Variants in ADGB observed in about 807,000 individuals in gnomAD.
ADGB encodes androglobin.
Under a neutral mutation model 210.5 loss-of-function variants are expected in ADGB, and 172 were observed. The observed-to-expected ratio is 0.82, with a 90% CI of 0.72 to 0.93. The LOEUF is 0.93. Among genes scored for constraint, ADGB ranks in the 40% least tolerant of loss-of-function variants. ADGB has a pLI of 0.00. For missense variants in ADGB, 2,025 were observed against 1,964.8 expected (o/e 1.03, Z -0.58); for synonymous variants, 658 against 662.7 (o/e 0.99, Z 0.11).
At chr6:146,637,976 CA>C (rs1775449377) in intron 2 of ADGB, among the ~76,000 whole-genome samples, 1 of 151,900 alleles carries the variant, frequency 6.6e-6, no homozygotes. Context: ...AACATCAATG[CA>C]AAAATCCTCA....
chr6:146,733,148 T>C lies in ADGB; in HGVS notation c.2549T>C (p.Met850Thr), dbSNP rs1416559904. The C allele has an allele frequency of 6.5e-7, 1 of 1,532,464 alleles. No individual in the cohort carries two copies. The highest frequency in any genetic ancestry group is 8.8e-7 in the Non-Finnish European group (1 of 1,136,968). The allele number at this position is 1,532,464 out of a possible 1,614,324, so 94.9% of individuals were successfully genotyped here. ...TTTCATCTTTCCTTATGGCGTTTAA[T>C]GAAAAAAGTTCAAATAACAAAACCT... ...RVFHLSLWRL[M>T]KKVQITKPPP... Residue 850 changes from methionine (M) to threonine (T), a missense_variant, in exon 21 of 36, where the codon ATG becomes ACG. Coordinates refer to ENST00000397944, the MANE Select transcript of ADGB (RefSeq NM_024694.4).
At chr6:146,729,930 T>C (rs889230101) in intron 20 of ADGB, among the ~76,000 whole-genome samples, 3 of 152,164 alleles carry the variant, frequency 2.0e-5, no homozygotes, top group Non-Finnish European at 2.9e-5. Flanking sequence ...GTCTCCACCC[T>C]TTAAACACCT....
chr6:146,731,865 G>A (rs1324132982), intron 20 of ADGB, among the ~76,000 whole-genome samples: 1 of 152,124 alleles, frequency 6.6e-6, no homozygotes, highest in Non-Finnish European at 1.5e-5. Flanking sequence ...CCGTTATTGT[G>A]GGGGAATCGG....
chr6:146,666,944 C>T, intron 7 of ADGB, 42 bp downstream of exon 7: 3 of 1,409,060 alleles, frequency 2.1e-6, no homozygotes, highest in Non-Finnish European at 2.9e-6. Context: ...TTTTTTTTAT[C>T]TTCCCAAGAT....
chr6:146,697,887 G>C (rs1331380077), intron 12 of ADGB, among the ~76,000 whole-genome samples: 4 of 152,072 alleles, frequency 2.6e-5, no homozygotes, highest in African/African-American at 4.8e-5. Context: ...ATAATATAAT[G>C]CAATAAAAGT....
chr6:146,649,164 T>G (rs1055449330), intron 3 of ADGB, among the ~76,000 whole-genome samples: 18 of 151,626 alleles, frequency 1.2e-4, no homozygotes, highest in Admixed American at 7.2e-4. Context: ...AGTTTTGTTT[T>G]TTTTTTTTTT....
intron 27 of ADGB, among the ~76,000 whole-genome samples, chr6:146,755,414 A>G (rs1380124795): frequency 6.6e-6 from 1 of 152,096 alleles, no homozygotes; most frequent in African/African-American, 2.4e-5. Flanking sequence ...CTATTCCCCC[A>G]TGCTATTTTC....
intron 7 of ADGB, among the ~76,000 whole-genome samples, chr6:146,671,870 T>A (rs1459068734): frequency 6.6e-6 from 1 of 152,170 alleles, no homozygotes; most frequent in Non-Finnish European, 1.5e-5. Context: ...ACCTTCTACA[T>A]AAGTGATCAT....
intron 27 of ADGB, among the ~76,000 whole-genome samples, chr6:146,754,047 G>C (rs1049147841): frequency 6.6e-6 from 1 of 151,270 alleles, no homozygotes; most frequent in Non-Finnish European, 1.5e-5. Flanking sequence ...TTAGGGGAGA[G>C]ACATTCATTT....
intron 5 of ADGB, among the ~76,000 whole-genome samples, chr6:146,660,308 C>T (rs973571): frequency 0.31 from 47,720 of 152,074 alleles, 8,766 homozygotes; most frequent in East Asian, 0.43. Context: ...AATGGAAATG[C>T]TTTATTTCAT....
At chr6:146,742,028 C>T (rs1005575571) in intron 25 of ADGB, among the ~76,000 whole-genome samples, 43 of 152,106 alleles carry the variant, frequency 2.8e-4, no homozygotes, top group Admixed American at 5.9e-4. Context: ...TGATTCTATA[C>T]ATTATTTTGT....
At chr6:146,646,812 G>A (rs543761779) in intron 3 of ADGB, among the ~76,000 whole-genome samples, 1 of 152,220 alleles carries the variant, frequency 6.6e-6, no homozygotes, top group African/African-American at 2.4e-5. Flanking sequence ...TCACAGGCTG[G>A]CTATGGTGGC....
chr6:146,693,683 G>A (rs1776362840), intron 12 of ADGB, among the ~76,000 whole-genome samples: 1 of 152,246 alleles, frequency 6.6e-6, no homozygotes, highest in Non-Finnish European at 1.5e-5. Flanking sequence ...TGGATAGGCT[G>A]AGAATTGTCC....
At chr6:146,777,920 C>T (rs1777744586) in intron 29 of ADGB, among the ~76,000 whole-genome samples, 1 of 152,250 alleles carries the variant, frequency 6.6e-6, no homozygotes, top group Non-Finnish European at 1.5e-5. Flanking sequence ...TCAAGATGTG[C>T]ATTTTACAGG....
chr6:146,707,966 G>T (rs781229053), intron 13 of ADGB, among the ~76,000 whole-genome samples: 8 of 151,798 alleles, frequency 5.3e-5, no homozygotes, highest in Non-Finnish European at 8.8e-5. Context: ...TTAGTGGTTT[G>T]CTTTGATTTT....
intron 28 of ADGB, among the ~76,000 whole-genome samples, chr6:146,767,221 G>T (rs259424): frequency 0.47 from 71,573 of 151,952 alleles, 17,749 homozygotes; most frequent in Admixed American, 0.59. Context: ...GAACTATTAT[G>T]ATAATGGAAA....
At chr6:146,647,217 A>C (rs747368500) in intron 3 of ADGB, among the ~76,000 whole-genome samples, 2 of 151,952 alleles carry the variant, frequency 1.3e-5, no homozygotes, top group African/African-American at 4.8e-5. Context: ...ATAAGGTTAC[A>C]TGGATGTAAA....
At chr6:146,602,335 C>T (rs1357066757) in intron 1 of ADGB, among the ~76,000 whole-genome samples, 3 of 152,106 alleles carry the variant, frequency 2.0e-5, no homozygotes, top group Admixed American at 1.3e-4. Context: ...TTCCATGATT[C>T]TATCAGATAT....
intron 13 of ADGB, among the ~76,000 whole-genome samples, chr6:146,711,848 G>A (rs1011260455): frequency 5.9e-5 from 9 of 151,852 alleles, no homozygotes; most frequent in African/African-American, 2.2e-4. Context: ...GCGCAAGACA[G>A]TGAAACCCCA....
Sources: allele counts gnomAD v4.1 joint callset (sites outside exome capture counted in the v4.1 genomes callset), GRCh38; gene constraint gnomAD v4.1.1; transcripts MANE v1.5; gene names NCBI Gene and HGNC (gene_info 2026-07-23, HGNC 2026-07-21).